Variants in DOCK8 observed in about 807,000 individuals in gnomAD.
The protein encoded by DOCK8 is dedicator of cytokinesis 8, also known as dedicator of cytokinesis protein 8.
A neutral mutation model predicts 245.6 loss-of-function variants in DOCK8; 141 were observed. The ratio of observed to expected loss-of-function variants is 0.57; its 90% CI spans 0.50 to 0.66. The LOEUF (loss-of-function observed/expected upper bound fraction) is 0.66, where lower values mean the gene tolerates loss of function less well. DOCK8 is among the 30% of genes least tolerant of loss of function. The pLI is 0.00. For synonymous variants in DOCK8, 1,168 were observed against 970.2 expected (o/e 1.20, Z -3.79); for missense variants, 2,965 against 2,603.4 (o/e 1.14, Z -3.02).
intron 1 of DOCK8, among the ~76,000 whole-genome samples, chr9:263,635 C>T (rs1010779033): frequency 1.3e-5 from 2 of 152,158 alleles, no homozygotes; most frequent in Non-Finnish European, 2.9e-5. Flanking sequence ...TTTAGTATGG[C>T]TCTGCTGGTG....
At chr9:378,721 T>C (rs545995869) in intron 20 of DOCK8, among the ~76,000 whole-genome samples, 3 of 152,234 alleles carry the variant, frequency 2.0e-5, no homozygotes, top group Non-Finnish European at 4.4e-5. Context: ...GTTGCCACCT[T>C]GTGGTGTGAG....
intron 4 of DOCK8, among the ~76,000 whole-genome samples, chr9:302,899 A>G (rs1435071544): frequency 6.6e-6 from 1 of 152,076 alleles, no homozygotes; most frequent in Non-Finnish European, 1.5e-5. Flanking sequence ...AGGCTGAGGC[A>G]GGAGGATTAT....
At chr9:439,980 G>A (rs1402050694) in intron 40 of DOCK8, among the ~76,000 whole-genome samples, 3 of 151,180 alleles carry the variant, frequency 2.0e-5, no homozygotes, top group Admixed American at 2.0e-4. Flanking sequence ...GAGAGATGAA[G>A]TCATTGAGAT....
chr9:403,093 T>G lies in DOCK8; in HGVS notation c.3235-1825T>G, dbSNP rs776972691. ...TTAGTAGAGACAGGGTTTCACCATG[T>G]TGGCCAGACTGGTCTTGAACTCTGG... On this transcript the variant is annotated intron_variant, in intron 26 of 47. Coordinates refer to ENST00000432829, the MANE Select transcript of DOCK8 (RefSeq NM_203447.4). Among the ~76,000 whole-genome samples the G allele has an allele frequency of 3.7e-4, 57 of 152,086 alleles. 1 individual carries two copies. Among genetic ancestry groups the G allele is most frequent in the Admixed American group, 2.5e-3 (38 of 15,262 alleles).
chr9:324,222 A>G (rs1218742702), intron 7 of DOCK8, among the ~76,000 whole-genome samples: 1 of 152,228 alleles, frequency 6.6e-6, no homozygotes, highest in Non-Finnish European at 1.5e-5. Flanking sequence ...CATTTGAGCA[A>G]ATAACCCTTT....
intron 5 of DOCK8, among the ~76,000 whole-genome samples, chr9:306,103 A>C (rs187486177): frequency 2.0e-5 from 3 of 152,316 alleles, no homozygotes; most frequent in Admixed American, 2.0e-4. Context: ...ATTGAGAAGA[A>C]AAAATTTGTT....
rs1405714524 is a variant in DOCK8 at position 420,313 on chromosome 9, T to C, written c.3841-88T>C. On this transcript the variant is annotated intron_variant, in intron 30 of 47. Coordinates refer to ENST00000432829, the MANE Select transcript of DOCK8 (RefSeq NM_203447.4). ...TGGTATTTTAAGAGAACACTTTGAA[T>C]TTTTCTGTTGCTTGACTGTTAAGCC... The C allele has an allele frequency of 8.4e-6, 12 of 1,423,418 alleles. No individual in the cohort carries two copies. In the African/African-American group the frequency reaches 1.3e-4, roughly 15 times the overall value. 88.2% of individuals were successfully genotyped at this position (1,423,418 alleles called of 1,614,324 possible).
chr9:271,038 G>C (rs936141977), intron 1 of DOCK8, among the ~76,000 whole-genome samples: 1 of 152,188 alleles, frequency 6.6e-6, no homozygotes, highest in Non-Finnish European at 1.5e-5. Context: ...CTAAAGTGTT[G>C]GCTGAGCATT....
chr9:460,996 C>T (rs1202738358), intron 46 of DOCK8, among the ~76,000 whole-genome samples: 2 of 152,176 alleles, frequency 1.3e-5, no homozygotes, highest in African/African-American at 4.8e-5. Flanking sequence ...ATTATTCTGT[C>T]CCTTTAAGGT....
At chr9:214,755 T>C (rs1186781094), upstream of DOCK8, 1 of 1,530,398 alleles carries the variant, frequency 6.5e-7, no homozygotes, top group Admixed American at 2.1e-5. Flanking sequence ...CGCCGCTGCC[T>C]GCGCGCCAGG....
chr9:269,592 G>A (rs1350590892), intron 1 of DOCK8, among the ~76,000 whole-genome samples: 2 of 133,162 alleles, frequency 1.5e-5, no homozygotes, highest in Admixed American at 8.8e-5. Context: ...GTCTTGCTCC[G>A]TCACCCAGGC....
chr9:399,917 A>G (rs1215392992), intron 26 of DOCK8, among the ~76,000 whole-genome samples: 1 of 151,158 alleles, frequency 6.6e-6, no homozygotes, highest in African/African-American at 2.4e-5. Context: ...TACTGCTACT[A>G]CTACCACCAG....
chr9:409,755 C>T (rs764657418), intron 28 of DOCK8, among the ~76,000 whole-genome samples: 4 of 151,920 alleles, frequency 2.6e-5, no homozygotes, highest in Admixed American at 6.6e-5. Context: ...TGACAGTCCC[C>T]GGTGTGTGAT....
chr9:414,522 C>T lies in DOCK8; in HGVS notation c.3531-260C>T, dbSNP rs530237288. 3.9e-5 allele frequency among the ~76,000 whole-genome samples: 6 copies of T among 151,982 alleles called. No homozygotes were observed. The South Asian group carries it at 6.3e-4, about 16-fold the overall frequency. On this transcript the variant is annotated intron_variant, in intron 28 of 47. Coordinates refer to ENST00000432829, the MANE Select transcript of DOCK8 (RefSeq NM_203447.4). Reference sequence around the variant, plus strand: ...TTTCTGGATTCTATATAGTTCTATCCTGTATTGCTTGGTTTTCCAGGGTTA... The same window carrying T: ...TTTCTGGATTCTATATAGTTCTATCTTGTATTGCTTGGTTTTCCAGGGTTA...
chr9:252,169 C>G (rs2047666402), intron 1 of DOCK8, among the ~76,000 whole-genome samples: 1 of 151,732 alleles, frequency 6.6e-6, no homozygotes, highest in Non-Finnish European at 1.5e-5. Flanking sequence ...AGACGGGGGT[C>G]TCACCATGTT....
chr9:305,346 G>C (rs1446142315), intron 5 of DOCK8, among the ~76,000 whole-genome samples: 2 of 151,498 alleles, frequency 1.3e-5, no homozygotes, highest in Non-Finnish European at 2.9e-5. Flanking sequence ...GCAGTGGCAC[G>C]ATCTTGGCTC....
intron 1 of DOCK8, among the ~76,000 whole-genome samples, chr9:244,403 C>T (rs2047454581): frequency 6.6e-6 from 1 of 151,888 alleles, no homozygotes. Context: ...TGGTCACAAG[C>T]CACTAAACTG....
intron 33 of DOCK8, among the ~76,000 whole-genome samples, chr9:423,543 C>A (rs536451492): frequency 7.7e-4 from 117 of 152,264 alleles, no homozygotes; most frequent in African/African-American, 2.7e-3. Context: ...TTTATTGTTA[C>A]CACAAGAATG....
chr9:286,399 C>G, intron 2 of DOCK8, 62 bp from the exon 3 acceptor site: 1 of 1,581,550 alleles, frequency 6.3e-7, no homozygotes, highest in Non-Finnish European at 8.6e-7. Context: ...TCTACTATTG[C>G]CTTTGTGCTT....
Sources: gnomAD v4.1 joint callset for allele counts (sites outside exome capture counted in the v4.1 genomes callset) on GRCh38, gnomAD v4.1.1 for gene constraint, MANE v1.5 for transcripts, NCBI Gene and HGNC (gene_info 2026-07-23, HGNC 2026-07-21) for gene names.